The following MNAT1 variants were observed in gnomAD, a reference collection of about 807,000 sequenced individuals.
MNAT1 encodes the protein CDK-activating kinase assembly factor MAT1.
In MNAT1, 43 loss-of-function variants were observed where a neutral mutation model predicts 42.0. The ratio of observed to expected loss-of-function variants is 1.02; its 90% CI spans 0.80 to 1.32. The LOEUF is 1.32. Among genes scored for constraint, MNAT1 ranks in the 40% most tolerant of loss-of-function variants. The pLI, the probability that MNAT1 is intolerant of heterozygous loss-of-function variation, is 0.00. For missense variants in MNAT1, 306 were observed against 350.4 expected (o/e 0.87, Z 1.01); for synonymous variants, 118 against 120.0 (o/e 0.98, Z 0.11).
intron 1 of MNAT1, among the ~76,000 whole-genome samples, chr14:60,786,839 A>AT (rs932711576): frequency 1.3e-5 from 2 of 152,226 alleles, no homozygotes; most frequent in African/African-American, 4.8e-5. Context: ...AGGGATAAGC[A>AT]TTTTAATAAT....
At chr14:60,905,784 T>G (rs1162252168) in intron 7 of MNAT1, among the ~76,000 whole-genome samples, 5 of 152,186 alleles carry the variant, frequency 3.3e-5, no homozygotes, top group African/African-American at 1.2e-4. Flanking sequence ...GTTCAGGCCC[T>G]CAGCTGGATT....
rs367781758 is a variant in MNAT1, at chr14:60,779,310, A to G, written c.90-16907A>G. Among the ~76,000 whole-genome samples the G allele has an allele frequency of 2.0e-5, 3 of 152,320 alleles. No individual in the cohort carries two copies. The East Asian group carries it at 5.8e-4, about 29-fold the overall frequency. ...AACCAGAGTTTCAAACCTCTTAGAT[A>G]AAAGGATCTGGATCGCTCTACTGGC... On this transcript the variant is annotated intron_variant, in intron 1 of 7. Transcript: ENST00000261245.
chr14:60,964,624 A>G (rs1438742134), intron 7 of MNAT1, among the ~76,000 whole-genome samples: 1 of 152,238 alleles, frequency 6.6e-6, no homozygotes, highest in Non-Finnish European at 1.5e-5. Context: ...TTGGCTAAAT[A>G]GTCAGAGCAA....
At chr14:60,842,895 A>G (rs1029216470) in intron 6 of MNAT1, among the ~76,000 whole-genome samples, 1 of 152,166 alleles carries the variant, frequency 6.6e-6, no homozygotes, top group African/African-American at 2.4e-5. Flanking sequence ...AGAGCATCCT[A>G]TTGCATGTTG....
At chr14:60,811,007 A>C (rs761638376) in intron 4 of MNAT1, among the ~76,000 whole-genome samples, 1 of 152,072 alleles carries the variant, frequency 6.6e-6, no homozygotes, top group African/African-American at 2.4e-5. Context: ...TTCAGTTGTC[A>C]ATGTTTGCTT....
intron 1 of MNAT1, among the ~76,000 whole-genome samples, chr14:60,737,242 T>A (rs977457127): frequency 5.9e-5 from 9 of 152,164 alleles, no homozygotes; most frequent in African/African-American, 2.4e-5. Flanking sequence ...AGGTAAAAAT[T>A]TCTGTGGTTC....
At chr14:60,758,764 A>G (rs1261154151) in intron 1 of MNAT1, among the ~76,000 whole-genome samples, 4 of 152,112 alleles carry the variant, frequency 2.6e-5, no homozygotes, top group African/African-American at 9.7e-5. Flanking sequence ...TTGTACCCCT[A>G]GTTTGTCTGG....
At chr14:60,958,507 A>T (rs2036524990) in intron 7 of MNAT1, among the ~76,000 whole-genome samples, 1 of 151,778 alleles carries the variant, frequency 6.6e-6, no homozygotes, top group Non-Finnish European at 1.5e-5. Context: ...CTCTGGGTTG[A>T]ATCTGATTTT....
intron 7 of MNAT1, among the ~76,000 whole-genome samples, chr14:60,951,888 A>T (rs1339305678): frequency 1.3e-5 from 2 of 152,054 alleles, no homozygotes; most frequent in African/African-American, 4.8e-5. Flanking sequence ...TGTTGGCTTC[A>T]CTGAGTCTGA....
Position 60,968,469 on chromosome 14 carries a change from A to C in MNAT1, c.*120A>C. The C allele has an allele frequency of 6.6e-7, 1 of 1,513,988 alleles. No homozygotes were observed. The highest frequency in any genetic ancestry group is 1.2e-5 in the South Asian group (1 of 80,182). The allele number at this position is 1,513,988 out of a possible 1,614,324, so 93.8% of individuals were successfully genotyped here. On this transcript the variant is annotated 3_prime_UTR_variant, in exon 8 of 8. Coordinates refer to ENST00000261245, the MANE Select transcript of MNAT1 (RefSeq NM_002431.4). ...AGTCCTTCCACTAGCAGCTGTGTTAAAGTATTTATAAGGAGAAAATTTCAG... is the reference window on the plus strand; with the variant it reads ...AGTCCTTCCACTAGCAGCTGTGTTACAGTATTTATAAGGAGAAAATTTCAG...
At chr14:60,941,010 A>G (rs1475079431) in intron 7 of MNAT1, among the ~76,000 whole-genome samples, 1 of 152,220 alleles carries the variant, frequency 6.6e-6, no homozygotes, top group Non-Finnish European at 1.5e-5. Flanking sequence ...TATTTGAATT[A>G]TTCTTTAAAA....
chr14:60,890,418 G>T (rs1466084111), intron 7 of MNAT1, among the ~76,000 whole-genome samples: 1 of 152,086 alleles, frequency 6.6e-6, no homozygotes, highest in South Asian at 2.1e-4. Context: ...GTATAGTCAG[G>T]GTTCTCTAGA....
At chr14:60,950,484 A>T (rs1010465846) in intron 7 of MNAT1, among the ~76,000 whole-genome samples, 1 of 152,198 alleles carries the variant, frequency 6.6e-6, no homozygotes, top group Non-Finnish European at 1.5e-5. Flanking sequence ...AGTGACTGAT[A>T]TATACTCTAG....
chr14:60,761,438 C>T (rs2030596343), intron 1 of MNAT1, among the ~76,000 whole-genome samples: 1 of 152,004 alleles, frequency 6.6e-6, no homozygotes, highest in African/African-American at 2.4e-5. Context: ...ACCTGAGAGC[C>T]CTTAATAATT....
chr14:60,907,208 G>T (rs887506916), intron 7 of MNAT1, among the ~76,000 whole-genome samples: 3 of 152,158 alleles, frequency 2.0e-5, no homozygotes, highest in Non-Finnish European at 4.4e-5. Context: ...CTCGAGGCAG[G>T]TGGATCATGA....
At chr14:60,745,201 G>T (rs1896579105) in intron 1 of MNAT1, among the ~76,000 whole-genome samples, 1 of 152,180 alleles carries the variant, frequency 6.6e-6, no homozygotes, top group South Asian at 2.1e-4. Context: ...GGCTCACCTT[G>T]TGAGTTTCCC....
intron 3 of MNAT1, among the ~76,000 whole-genome samples, chr14:60,804,365 G>A (rs2300469): frequency 0.95 from 144,051 of 152,254 alleles, 68,422 homozygotes; most frequent in Non-Finnish European, 0.99. Context: ...ATAGTAATTC[G>A]CTTTTATGGT....
At chr14:60,752,593 G>C (rs1483559157) in intron 1 of MNAT1, among the ~76,000 whole-genome samples, 1 of 152,004 alleles carries the variant, frequency 6.6e-6, no homozygotes, top group Non-Finnish European at 1.5e-5. Context: ...TGAGCCCAGG[G>C]GGTCAAGGCT....
intron 1 of MNAT1, among the ~76,000 whole-genome samples, chr14:60,741,841 T>A (rs1896477787): frequency 6.6e-6 from 1 of 151,896 alleles, no homozygotes; most frequent in Admixed American, 6.6e-5. Context: ...TTTGTGTCTG[T>A]CTCTGGGAGA....
Sources: gnomAD v4.1 joint callset for allele counts (sites outside exome capture counted in the v4.1 genomes callset) on GRCh38, gnomAD v4.1.1 for gene constraint, MANE v1.5 for transcripts, NCBI Gene and HGNC (gene_info 2026-07-23, HGNC 2026-07-21) for gene names.